NAV2: variants seen among roughly 807,000 people sequenced by gnomAD.
The protein encoded by NAV2 is helicase, APC down-regulated 1.
A neutral mutation model predicts 223.2 loss-of-function variants in NAV2; 54 were observed. The ratio of observed to expected loss-of-function variants is 0.24; its 90% confidence interval spans 0.19 to 0.30. NAV2 has a LOEUF of 0.30. NAV2 is among the 10% of genes least tolerant of loss of function. The pLI is 1.00. For missense variants in NAV2, 2,806 were observed against 3,147.5 expected (o/e 0.89, Z 2.60); for synonymous variants, 1,279 against 1,239.3 (o/e 1.03, Z -0.67).
intron 3 of NAV2, among the ~76,000 whole-genome samples, chr11:19,859,137 C>CTTTTTTTTTTTTTTTT (rs569446282): frequency 0.025 from 2,692 of 106,344 alleles, 60 homozygotes; most frequent in East Asian, 0.039. Context: ...ATCATATTCT[C>CTTTTTTTTTTTTTTTT]TTTTTTTTTT....
At chr11:19,957,014 T>C (rs1282761588) in intron 10 of NAV2, among the ~76,000 whole-genome samples, 1 of 152,182 alleles carries the variant, frequency 6.6e-6, no homozygotes, top group Non-Finnish European at 1.5e-5. Context: ...TATCAAGAAA[T>C]TCCAAAGACT....
intron 1 of NAV2, among the ~76,000 whole-genome samples, chr11:19,554,079 T>A (rs1265218216): frequency 1.3e-5 from 2 of 152,244 alleles, no homozygotes; most frequent in African/African-American, 4.8e-5. Context: ...TTTGAAATTC[T>A]GCGCTCTAAG....
intron 1 of NAV2, among the ~76,000 whole-genome samples, chr11:19,760,591 G>A (rs1309722232): frequency 6.6e-6 from 1 of 152,136 alleles, no homozygotes; most frequent in Non-Finnish European, 1.5e-5. Flanking sequence ...ACTATGCCAG[G>A]CTTCTTTCCC....
chr11:19,383,418 A>G (rs1489753177), intron 1 of NAV2, among the ~76,000 whole-genome samples: 1 of 152,218 alleles, frequency 6.6e-6, no homozygotes, highest in Non-Finnish European at 1.5e-5. Context: ...TGTAAGCAAG[A>G]GATCATCTTT....
chr11:19,411,350 C>A (rs544900805), intron 1 of NAV2, among the ~76,000 whole-genome samples: 10 of 152,350 alleles, frequency 6.6e-5, no homozygotes, highest in Admixed American at 5.9e-4. Flanking sequence ...ATGTTCTCTA[C>A]ACCCATGCCA....
chr11:20,095,626 A>T, intron 29 of NAV2, 46 bp from the exon 30 acceptor site: 1 of 1,405,852 alleles, frequency 7.1e-7, no homozygotes, highest in East Asian at 2.3e-5. Context: ...ACTGAGTCAG[A>T]AAAGATCCAC....
intron 1 of NAV2, among the ~76,000 whole-genome samples, chr11:19,403,338 A>G (rs1300575066): frequency 1.3e-5 from 2 of 152,156 alleles, no homozygotes; most frequent in African/African-American, 2.4e-5. Context: ...CATACCAACA[A>G]TGATACTCTA....
intron 1 of NAV2, among the ~76,000 whole-genome samples, chr11:19,529,608 A>T (rs145267269): frequency 6.6e-6 from 1 of 152,332 alleles, no homozygotes; most frequent in East Asian, 1.9e-4. Context: ...CACCTGGGAT[A>T]TAAGTCCCAG....
intron 1 of NAV2, among the ~76,000 whole-genome samples, chr11:19,739,742 T>G (rs56162007): frequency 3.9e-5 from 6 of 152,116 alleles, no homozygotes; most frequent in Non-Finnish European, 7.3e-5. Context: ...TCTCTTTTGC[T>G]GGAGTCAGTG....
chr11:19,631,397 G>T (rs2047342184), intron 1 of NAV2, among the ~76,000 whole-genome samples: 1 of 152,110 alleles, frequency 6.6e-6, no homozygotes, highest in Non-Finnish European at 1.5e-5. Flanking sequence ...GAGAATGAGG[G>T]TTTCCAGTTT....
intron 10 of NAV2, among the ~76,000 whole-genome samples, chr11:19,957,829 C>G (rs982054946): frequency 1.3e-5 from 2 of 152,152 alleles, no homozygotes; most frequent in South Asian, 2.1e-4. Context: ...TGTGGTCCAG[C>G]TTTGACGTGG....
intron 4 of NAV2, among the ~76,000 whole-genome samples, chr11:19,879,390 C>T (rs186333321): frequency 6.4e-4 from 97 of 152,260 alleles, no homozygotes; most frequent in Non-Finnish European, 4.4e-4. Context: ...CACAGAGCCA[C>T]GTATTTGAGA....
intron 1 of NAV2, among the ~76,000 whole-genome samples, chr11:19,537,225 T>C (rs369298093): frequency 6.6e-6 from 1 of 152,138 alleles, no homozygotes; most frequent in East Asian, 1.9e-4. Flanking sequence ...ATAATAATAA[T>C]AACTTTTCTA....
chr11:20,014,087 A>C (rs1027010649), intron 11 of NAV2, among the ~76,000 whole-genome samples: 2 of 152,194 alleles, frequency 1.3e-5, no homozygotes, highest in Non-Finnish European at 2.9e-5. Context: ...GTGAGATCAG[A>C]GTCCCCAACT....
chr11:19,999,423 C>T lies in NAV2; in HGVS notation c.2768+15176C>T, dbSNP rs575217964. Among the ~76,000 whole-genome samples the T allele has an allele frequency of 7.2e-5, 11 of 152,330 alleles. No homozygotes were observed. The South Asian group carries it at 1.2e-3, about 17-fold the overall frequency. On this transcript the variant is annotated intron_variant, in intron 11 of 37. Coordinates refer to ENST00000349880, the MANE Select transcript of NAV2 (RefSeq NM_145117.5). ...TGCTCTTGTCACCCAGGCTGGAGCA[C>T]AATGGCGCAATCTCAGCTCACTGCA...
intron 1 of NAV2, chr11:19,506,749 G>T (rs937615415): frequency 2.0e-5 from 3 of 152,236 alleles, no homozygotes; most frequent in African/African-American, 7.2e-5. Flanking sequence ...AAAGGAAGGA[G>T]AAAAGAAAGA....
At chr11:19,600,567 T>G (rs2046325688) in intron 1 of NAV2, among the ~76,000 whole-genome samples, 1 of 152,204 alleles carries the variant, frequency 6.6e-6, no homozygotes, top group Admixed American at 6.5e-5. Context: ...GCTAAGAACA[T>G]GGACTCTGGA....
At chr11:19,777,884 G>C (rs775577946) in intron 1 of NAV2, 3 of 455,838 alleles carry the variant, frequency 6.6e-6, no homozygotes, top group South Asian at 4.6e-5. Flanking sequence ...CGTGGTCCGC[G>C]TCCCCCGAGC....
intron 1 of NAV2, among the ~76,000 whole-genome samples, chr11:19,567,426 A>G (rs891419333): frequency 6.6e-6 from 1 of 152,166 alleles, no homozygotes; most frequent in Admixed American, 6.6e-5. Flanking sequence ...CATCTTGCAG[A>G]TTTATTTCTG....
Sources: gnomAD v4.1 joint callset for allele counts (sites outside exome capture counted in the v4.1 genomes callset) on GRCh38, gnomAD v4.1.1 for gene constraint, MANE v1.5 for transcripts, NCBI Gene and HGNC (gene_info 2026-07-23, HGNC 2026-07-21) for gene names.